Variants in SAMMSON observed in about 807,000 individuals in gnomAD.
SAMMSON encodes the protein long intergenic non-protein coding RNA 1212.
At chr3:70,204,807 A>G (rs1559534438) in intron 4 of SAMMSON, 1 of 152,112 alleles carries the variant, frequency 6.6e-6, no homozygotes, top group African/African-American at 2.4e-5. Context: ...AGGTCAGATC[A>G]GAGTGATTCT....
At chr3:70,324,885 T>C (rs1702567695) in intron 7 of SAMMSON, among the ~76,000 whole-genome samples, 1 of 146,284 alleles carries the variant, frequency 6.8e-6, no homozygotes, top group Non-Finnish European at 1.5e-5. Flanking sequence ...TTCTTTCTTC[T>C]CCATCATGAG....
At chr3:70,391,827 C>A (rs961830542), downstream of SAMMSON, among the ~76,000 whole-genome samples, 5 of 152,108 alleles carry the variant, frequency 3.3e-5, no homozygotes, top group Admixed American at 3.3e-4. Flanking sequence ...ACTGACGCAT[C>A]ATGGCAATAT....
chr3:70,250,914 AT>A (rs1701759268), intron 6 of SAMMSON, among the ~76,000 whole-genome samples: 1 of 152,254 alleles, frequency 6.6e-6, no homozygotes, highest in Non-Finnish European at 1.5e-5. Context: ...GCTGAAAAAA[AT>A]GGTCTCCAAT....
chr3:70,425,400 ATTATTTAT>A (rs140781474), intron 2 of SAMMSON, among the ~76,000 whole-genome samples: 9 of 150,684 alleles, frequency 6.0e-5, no homozygotes, highest in Admixed American at 3.3e-4. Context: ...CTATTTTTTT[ATTATTTAT>A]TTATTTATTT....
chr3:70,269,917 A>G (rs573719449), intron 6 of SAMMSON, among the ~76,000 whole-genome samples: 1 of 152,310 alleles, frequency 6.6e-6, no homozygotes, highest in Admixed American at 6.5e-5. Context: ...AGTGACAATA[A>G]CTGAAATAAA....
At chr3:70,207,990 A>C (rs1278882232) in intron 4 of SAMMSON, among the ~76,000 whole-genome samples, 1 of 152,054 alleles carries the variant, frequency 6.6e-6, no homozygotes, top group East Asian at 1.9e-4. Flanking sequence ...CTTGACCTTC[A>C]TGAGCATCAA....
intron 4 of SAMMSON, among the ~76,000 whole-genome samples, chr3:70,091,542 C>A (rs1308766467): frequency 1.3e-5 from 2 of 152,202 alleles, no homozygotes; most frequent in East Asian, 3.8e-4. Context: ...CTGTTGTTCA[C>A]TGATTTTATA....
At chr3:70,161,829 C>A (rs910277949) in intron 4 of SAMMSON, among the ~76,000 whole-genome samples, 16 of 151,562 alleles carry the variant, frequency 1.1e-4, no homozygotes, top group African/African-American at 3.4e-4. Context: ...AAATTATTTT[C>A]TTTATTTGTT....
intron 4 of SAMMSON, among the ~76,000 whole-genome samples, chr3:70,096,508 C>T (rs935575723): frequency 5.3e-5 from 8 of 152,170 alleles, no homozygotes; most frequent in African/African-American, 1.2e-4. Context: ...TGCACCACTG[C>T]GCTCCAGCCT....
At chr3:70,024,450 A>C (rs561469037) in intron 3 of SAMMSON, among the ~76,000 whole-genome samples, 8 of 152,312 alleles carry the variant, frequency 5.3e-5, no homozygotes, top group Admixed American at 3.3e-4. Context: ...GATATTTGTC[A>C]ACAACTCATC....
chr3:70,196,931 G>T (rs1434345901), intron 4 of SAMMSON: 2 of 398,462 alleles, frequency 5.0e-6, no homozygotes, highest in Non-Finnish European at 4.4e-6. Flanking sequence ...CTGTGCTAGC[G>T]GTAACAGATT....
At chr3:70,142,291 C>G (rs964790529) in intron 4 of SAMMSON, among the ~76,000 whole-genome samples, 18 of 152,100 alleles carry the variant, frequency 1.2e-4, no homozygotes, top group Non-Finnish European at 4.4e-5. Context: ...AAGTGGCCAT[C>G]AATCAACAAG....
chr3:70,303,173 C>G (rs1702366529), intron 7 of SAMMSON, among the ~76,000 whole-genome samples: 1 of 152,120 alleles, frequency 6.6e-6, no homozygotes, highest in Non-Finnish European at 1.5e-5. Context: ...TGGGTCATTG[C>G]TACTGGCTCT....
At chr3:70,127,863 A>G (rs2106671985) in intron 4 of SAMMSON, 2 of 152,326 alleles carry the variant, frequency 1.3e-5, no homozygotes, top group Admixed American at 1.3e-4. Context: ...GCTGGTCGCT[A>G]ACTCCTGACC....
At chr3:70,026,956 C>T (rs549467619) in intron 3 of SAMMSON, among the ~76,000 whole-genome samples, 1 of 152,252 alleles carries the variant, frequency 6.6e-6, no homozygotes, top group East Asian at 1.9e-4. Context: ...AGCACTGACT[C>T]CTGGAGGCCC....
chr3:70,412,620 G>C (rs1172248785), intron 2 of SAMMSON, among the ~76,000 whole-genome samples: 1 of 152,108 alleles, frequency 6.6e-6, no homozygotes. Context: ...GCACATTCAT[G>C]GTATTTTAAC....
chr3:70,434,587 A>T (rs1397262315), intron 2 of SAMMSON, among the ~76,000 whole-genome samples: 1 of 151,904 alleles, frequency 6.6e-6, no homozygotes, highest in East Asian at 1.9e-4. Context: ...TTTCCTTCCC[A>T]AACTATGTAT....
At chr3:70,292,189 C>T (rs1334892871) in intron 7 of SAMMSON, 1 of 152,258 alleles carries the variant, frequency 6.6e-6, no homozygotes, top group South Asian at 2.1e-4. Flanking sequence ...TCAAGCTTCC[C>T]TTTATGAATT....
chr3:70,376,014 A>G (rs993784890), intron 9 of SAMMSON, among the ~76,000 whole-genome samples: 1 of 152,092 alleles, frequency 6.6e-6, no homozygotes, highest in Admixed American at 6.6e-5. Context: ...TTCTAAGAGG[A>G]GGTGAAAAAA....
Sources: allele counts gnomAD v4.1 joint callset (sites outside exome capture counted in the v4.1 genomes callset), GRCh38; gene constraint gnomAD v4.1.1; transcripts MANE v1.5; gene names NCBI Gene and HGNC (gene_info 2026-07-23, HGNC 2026-07-21).